GIMAP6: variants seen among roughly 807,000 people sequenced by gnomAD.
GIMAP6 encodes the protein GTPase IMAP family member 6.
In GIMAP6, 6 loss-of-function variants were observed where a neutral mutation model predicts 9.3. The ratio of observed to expected loss-of-function variants is 0.65; its 90% CI spans 0.35 to 1.27. GIMAP6 has a LOEUF of 1.27. GIMAP6 is among the 50% of genes most tolerant of loss of function. The pLI, the probability that GIMAP6 is intolerant of heterozygous loss-of-function variation, is 0.03. For missense variants in GIMAP6, 333 were observed against 359.5 expected (o/e 0.93, Z 0.60); for synonymous variants, 156 against 151.1 (o/e 1.03, Z -0.24).
Position 150,630,094 on chromosome 7 carries a change from C to T in GIMAP6, c.49G>A (p.Glu17Lys). 1 of 1,574,204 alleles carries T rather than the reference C, an allele frequency of 6.4e-7. No individual in the cohort carries two copies. Among genetic ancestry groups the T allele is most frequent in the Non-Finnish European group, 8.6e-7 (1 of 1,166,738 alleles). Residue 17 changes from glutamate to lysine, a missense_variant, in exon 2 of 3, where the codon GAG (glutamate) becomes AAG (lysine). Physicochemically the swap from Glu to Lys is moderately conservative, Grantham distance 56. Coordinates refer to ENST00000328902, the MANE Select transcript of GIMAP6 (RefSeq NM_024711.6). ...TCCAGCACAGGATCCTGGGACAGCT[C>T]TTCTGGGGGATTCTCCTGGGGAATT... is the stretch of plus-strand genomic sequence containing the variant. The part of the protein sequence containing the change: ...EQIPQENPPE[E>K]LSQDPVLELS...
At position 150,630,126 on chromosome 7, in the gene GIMAP6, T is replaced by C; in HGVS notation, c.17A>G (p.Tyr6Cys). The C allele has an allele frequency of 1.3e-6, 2 of 1,505,180 alleles. No individual in the cohort carries two copies. Among genetic ancestry groups the C allele is most frequent in the Non-Finnish European group, 1.8e-6 (2 of 1,124,086 alleles). 93.2% of individuals were successfully genotyped at this position (1,505,180 alleles called of 1,614,324 possible). ...GGGATTCTCCTGGGGAATTTGTTCA[T>C]ATTCTTCTTCCTCCATCTACAAAAA... MEEEE[Y>C]EQIPQENPPE... The change falls in exon 2 of 3, where the codon TAT (tyrosine) becomes TGT (cysteine). Residue 6 changes from tyrosine to cysteine, a missense_variant. By Grantham distance (194) the Tyr-to-Cys change is radical. Transcript: ENST00000328902.
At chr7:150,629,743 T>C (rs563452119) in intron 2 of GIMAP6, among the ~76,000 whole-genome samples, 1 of 152,334 alleles carries the variant, frequency 6.6e-6, no homozygotes, top group South Asian at 2.1e-4. Context: ...TCACACGCAC[T>C]GTCAGCACAT....
intron 1 of GIMAP6, among the ~76,000 whole-genome samples, chr7:150,630,829 C>T (rs894726527): frequency 6.6e-6 from 1 of 152,220 alleles, no homozygotes; most frequent in Non-Finnish European, 1.5e-5. Flanking sequence ...GTCTCTTCCC[C>T]TATTAAGGTC....
Position 150,630,147 on chromosome 7 carries a change from A to AC in GIMAP6, c.1-6_1-5insG. On this transcript the variant is annotated splice_polypyrimidine_tract_variant and splice_region_variant and intron_variant, in intron 1 of 2. Coordinates refer to ENST00000328902, the MANE Select transcript of GIMAP6 (RefSeq NM_024711.6). ...TTCATATTCTTCTTCCTCCATCTAC[A>AC]AAAAAAAAAAAAAAAAAAAAATCAT... 1 of 82,604 alleles carries AC rather than the reference A, an allele frequency of 1.2e-5. No individual in the cohort carries two copies. Among genetic ancestry groups the AC allele is most frequent in the Non-Finnish European group, 2.2e-5 (1 of 45,184 alleles). The allele number at this position is 82,604 out of a possible 1,614,324, so 5.1% of individuals were successfully genotyped here.
chr7:150,629,894 TAAGAAGGGCCCTACCCCAA>T (rs1340521933), intron 2 of GIMAP6, among the ~76,000 whole-genome samples, 145 bp downstream of exon 2: 1 of 152,080 alleles, frequency 6.6e-6, no homozygotes, highest in Admixed American at 6.5e-5. Context: ...TGGCTAGTGA[TAAGAAGGGCCCTACCCCAA>T]AGGCCTCTGA....
chr7:150,630,291 A>T (rs1680726050), intron 1 of GIMAP6, 149 bp from the exon 2 acceptor site: 1 of 572,854 alleles, frequency 1.7e-6, no homozygotes, highest in African/African-American at 2.0e-5. Flanking sequence ...AGGCAATGGA[A>T]GAAGGGGTCT....
At position 150,625,839 on chromosome 7, in the gene GIMAP6, C is replaced by G. The variant is rs1406991601; in HGVS notation, c.*1880G>C. On this transcript the variant is annotated 3_prime_UTR_variant, in exon 3 of 3. Coordinates refer to ENST00000328902, the MANE Select transcript of GIMAP6 (RefSeq NM_024711.6). The stretch of plus-strand genomic sequence containing the variant: ...ACATTATAGTCAAAGCCACTGTAAT[C>G]AAATCAATATTTTATTCATACAGGA... The G allele has an allele frequency of 2.6e-5, 4 of 152,082 alleles. No homozygotes were observed. The highest frequency in any genetic ancestry group is 9.7e-5 in the African/African-American group (4 of 41,420). The allele number at this position is 152,082 out of a possible 1,614,324, so 9.4% of individuals were successfully genotyped here.
In GIMAP6 at chr7:150,627,285, A is replaced by C. The variant is rs1796310203; in HGVS notation, c.*434T>G. The C allele has an allele frequency of 4.5e-6, 1 of 223,692 alleles. No homozygotes were observed. The highest frequency in any genetic ancestry group is 6.4e-5 in the South Asian group (1 of 15,722). The allele number at this position is 223,692 out of a possible 1,614,324, so 13.9% of individuals were successfully genotyped here. A position where few individuals can be genotyped will look rare whatever the true frequency, so the allele number is the denominator to read the frequency against. On this transcript the variant is annotated 3_prime_UTR_variant, in exon 3 of 3. Transcript: ENST00000328902. ...CATCATGGTGTGGGGAGAGATGAGAAGTCATCTGGTCAACAGCTTGCATGG... is the reference window on the plus strand; with the variant it reads ...CATCATGGTGTGGGGAGAGATGAGACGTCATCTGGTCAACAGCTTGCATGG...
At position 150,628,552 on chromosome 7, in the gene GIMAP6, G is replaced by C. The variant is rs755637582; in HGVS notation, c.86-40C>G. ...AGAAAGCAGAGGGAACTGGGGTAAG[G>C]GCCCATGTACCCCATCTTGTCATCA... is the stretch of plus-strand genomic sequence containing the variant. On this transcript the variant is annotated intron_variant, in intron 2 of 2. Coordinates refer to ENST00000328902, the MANE Select transcript of GIMAP6 (RefSeq NM_024711.6). 5 of 1,605,744 alleles carry C rather than the reference G, an allele frequency of 3.1e-6. No individual in the cohort carries two copies. The Admixed American group carries it at 5.0e-5, about 16-fold the overall frequency.
In GIMAP6 at chr7:150,628,318, T is replaced by C. The variant is rs1563336582; in HGVS notation, c.280A>G (p.Ile94Val). 2 of 1,614,160 alleles carry C rather than the reference T, an allele frequency of 1.2e-6. No homozygotes were observed. Among genetic ancestry groups the C allele is most frequent in the Admixed American group, 3.3e-5 (2 of 60,030 alleles). The change falls in exon 3 of 3, where the codon ATT becomes GTT. Residue 94 changes from isoleucine (I) to valine (V), a missense_variant. Ile to Val is a conservative substitution (Grantham distance 29). Transcript: ENST00000328902. ...REWAGKELEV[I>V]DTPNILSPQV... ...GGGGACAGAATGTTGGGTGTGTCAA[T>C]CACCTCAAGCTCCTTCCCAGCCCAC...
chr7:150,630,107 C>A lies in GIMAP6; in HGVS notation c.36G>T (p.Glu12Asp), dbSNP rs117935084. Residue 12 changes from glutamate to aspartate, a missense_variant, in exon 2 of 3, where the codon GAG becomes GAT. By Grantham distance (45) the Glu-to-Asp change is conservative. Transcript: ENST00000328902. ...EEEEYEQIPQ[E>D]NPPEELSQDP... Reference sequence around the variant, plus strand: ...CCTGGGACAGCTCTTCTGGGGGATTCTCCTGGGGAATTTGTTCATATTCTT... The same window carrying A: ...CCTGGGACAGCTCTTCTGGGGGATTATCCTGGGGAATTTGTTCATATTCTT... 3.3e-3 allele frequency: 5,097 copies of A among 1,538,466 alleles called. 229 individuals carry two copies. In the Admixed American group the frequency reaches 0.085, roughly 26 times the overall value.
chr7:150,627,786 C>G lies in GIMAP6; in HGVS notation c.812G>C (p.Gly271Ala), dbSNP rs1352415209. 1.2e-6 allele frequency: 2 copies of G among 1,614,128 alleles called. No individual in the cohort carries two copies. Among genetic ancestry groups the G allele is most frequent in the African/African-American group, 2.7e-5 (2 of 74,946 alleles). The change falls in exon 3 of 3, where the codon GGA (glycine) becomes GCA (alanine). Residue 271 changes from glycine (G) to alanine (A), a missense_variant. Physicochemically the swap from Gly to Ala is moderately conservative, Grantham distance 60 (BLOSUM62 0). Transcript: ENST00000328902. ...DVPGEESWLE[G>A]LSQIQKESEE... ...AGATTCCTTCTGGATCTGGGACAGT[C>G]CTTCCAGCCAAGACTCCTCACCAGG...
In GIMAP6 at chr7:150,628,364, G is replaced by C; in HGVS notation, c.234C>G (p.Thr78=). ...CCCACTCTCGGCTCCGTCTCTGGGAGGTCTTGGTCACGGGTCTGGTGCTGA... is the reference window on the plus strand; with the variant it reads ...CCCACTCTCGGCTCCGTCTCTGGGACGTCTTGGTCACGGGTCTGGTGCTGA... ...SKLSTRPVTK[T]SQRRSREWAG... The change falls in exon 3 of 3, where the codon ACC becomes ACG. Residue 78 remains threonine, a synonymous_variant. Coordinates refer to ENST00000328902, the MANE Select transcript of GIMAP6 (RefSeq NM_024711.6). The C allele has an allele frequency of 1.2e-6, 2 of 1,614,116 alleles. No individual in the cohort carries two copies. The highest frequency in any genetic ancestry group is 1.7e-6 in the Non-Finnish European group (2 of 1,179,976).
chr7:150,632,203 C>G lies in GIMAP6; in HGVS notation c.-35G>C. The G allele has an allele frequency of 6.6e-6, 1 of 152,394 alleles. No homozygotes were observed. The highest frequency in any genetic ancestry group is 1.9e-4 in the East Asian group (1 of 5,206). 9.4% of individuals were successfully genotyped at this position (152,394 alleles called of 1,614,324 possible). Reference sequence around the variant, plus strand: ...AGCTCACAGGCAAGAGAAAGGACCACGTTTCTGGTCTCCCGGCCACGCACT... The same window carrying G: ...AGCTCACAGGCAAGAGAAAGGACCAGGTTTCTGGTCTCCCGGCCACGCACT... On this transcript the variant is annotated 5_prime_UTR_variant, in exon 1 of 3. Transcript: ENST00000328902.
chr7:150,626,437 T>G lies in GIMAP6; in HGVS notation c.*1282A>C, dbSNP rs1210169220. ...GGAGCATCTTGGACCTCAAAGGAGGTGGGGTGCACCCGGGGCACATCAGTC... is the reference window on the plus strand; with the variant it reads ...GGAGCATCTTGGACCTCAAAGGAGGGGGGGTGCACCCGGGGCACATCAGTC... On this transcript the variant is annotated 3_prime_UTR_variant, in exon 3 of 3. Transcript: ENST00000328902. 2 of 152,202 alleles carry G rather than the reference T, an allele frequency of 1.3e-5. No individual in the cohort carries two copies. Among genetic ancestry groups the G allele is most frequent in the African/African-American group, 4.8e-5 (2 of 41,424 alleles). The allele number at this position is 152,202 out of a possible 1,614,324, so 9.4% of individuals were successfully genotyped here. A position where few individuals can be genotyped will look rare whatever the true frequency, so the allele number is the denominator to read the frequency against.
intron 2 of GIMAP6, among the ~76,000 whole-genome samples, chr7:150,629,515 C>G (rs533407755): frequency 1.3e-5 from 2 of 152,140 alleles, no homozygotes; most frequent in Non-Finnish European, 1.5e-5. Flanking sequence ...CGAAGTTGAG[C>G]CCATGAAAGT....
At chr7:150,628,828 G>A in intron 2 of GIMAP6, 1 of 1,148,936 alleles carries the variant, frequency 8.7e-7, no homozygotes, top group Non-Finnish European at 1.2e-6. Flanking sequence ...CCTTCTCCTG[G>A]CCTTGCGGGT....
At chr7:150,630,718 A>C (rs1477917253) in intron 1 of GIMAP6, among the ~76,000 whole-genome samples, 1 of 152,202 alleles carries the variant, frequency 6.6e-6, no homozygotes, top group Non-Finnish European at 1.5e-5. Context: ...GCTGGGAAGG[A>C]AGCCAGAGAC....
Position 150,627,743 on chromosome 7 carries a change from G to C in GIMAP6, c.855C>G (p.Cys285Trp). Residue 285 changes from cysteine to tryptophan, a missense_variant, in exon 3 of 3, where the codon TGC becomes TGG. Physicochemically the swap from Cys to Trp is radical, Grantham distance 215. Transcript: ENST00000328902. ...IQKESEEAHR[C>W]LLGKADL ...CTCAAAGGTCAGCCTTCCCCAGCAGGCATCTGTGGGCTTCCTCAGATTCCT... is the reference window on the plus strand; with the variant it reads ...CTCAAAGGTCAGCCTTCCCCAGCAGCCATCTGTGGGCTTCCTCAGATTCCT... 1 of 1,613,788 alleles carries C rather than the reference G, an allele frequency of 6.2e-7. No homozygotes were observed. Among genetic ancestry groups the C allele is most frequent in the Non-Finnish European group, 8.5e-7 (1 of 1,179,812 alleles).
Sources: allele counts gnomAD v4.1 joint callset (sites outside exome capture counted in the v4.1 genomes callset), GRCh38; gene constraint gnomAD v4.1.1; transcripts MANE v1.5; gene names NCBI Gene and HGNC (gene_info 2026-07-23, HGNC 2026-07-21).